The following OR10J1 variants were observed in gnomAD, a reference collection of about 807,000 sequenced individuals.
OR10J1 encodes the protein olfactory receptor family 10 subfamily J member 1.
For synonymous variants in OR10J1, 202 were observed against 143.8 expected, an observed-to-expected ratio of 1.40 and a Z score of -2.89; for missense variants, 474 against 376.6, an observed-to-expected ratio of 1.26 and a Z score of -2.14.
rs200773376 is a variant in OR10J1, at chr1:159,440,588, C to A, written c.797C>A (p.Thr266Asn). The A allele has an allele frequency of 2.5e-6, 4 of 1,613,956 alleles. No homozygotes were observed. In the African/African-American group the frequency reaches 5.3e-5, roughly 22 times the overall value. Residue 266 changes from threonine to asparagine, a missense_variant, in exon 1 of 1, where the codon ACC (threonine) becomes AAC (asparagine). By Grantham distance (65) the Thr-to-Asn change is moderately conservative (BLOSUM62 0). Coordinates refer to ENST00000423932, the MANE Select transcript of OR10J1 (RefSeq NM_012351.3). The part of the protein sequence containing the change: ...IAYLKPKSEN[T>N]REHDQLISVT... ...TACCTCAAGCCCAAGTCAGAGAACA[C>A]CAGAGAACATGACCAGCTGATCTCG...
chr1:159,417,150 A>G, the OR10J1 span, among the ~76,000 whole-genome samples: 1 of 152,058 alleles, frequency 6.6e-6, no homozygotes, highest in Non-Finnish European at 1.5e-5. Context: ...ATTGAAGTAA[A>G]TCATTAGATT....
chr1:159,415,805 GTTTAA>G, the OR10J1 span, among the ~76,000 whole-genome samples: 2 of 151,840 alleles, frequency 1.3e-5, no homozygotes, highest in South Asian at 2.1e-4. Context: ...ATAATTAATT[GTTTAA>G]TTTATGAACG....
the OR10J1 span, among the ~76,000 whole-genome samples, chr1:159,404,070 T>G: frequency 6.6e-6 from 1 of 151,872 alleles, no homozygotes; most frequent in Non-Finnish European, 1.5e-5. Context: ...ATCAAAACAA[T>G]TGAACTCATG....
At chr1:159,415,274 ATTC>A in the OR10J1 span, among the ~76,000 whole-genome samples, 1 of 151,988 alleles carries the variant, frequency 6.6e-6, no homozygotes, top group African/African-American at 2.4e-5. Flanking sequence ...GCCCACTTTT[ATTC>A]TTCTGCATAT....
the OR10J1 span, among the ~76,000 whole-genome samples, chr1:159,409,322 T>C: frequency 6.6e-6 from 1 of 152,232 alleles, no homozygotes; most frequent in Middle Eastern, 3.4e-3. Context: ...TCTTTTCTTT[T>C]GACTGCTCAC....
the OR10J1 span, among the ~76,000 whole-genome samples, chr1:159,417,964 A>C: frequency 2.0e-5 from 3 of 152,216 alleles, no homozygotes; most frequent in Non-Finnish European, 2.9e-5. Context: ...AGAGACTTGC[A>C]TCATTATGCC....
At chr1:159,410,655 G>A in the OR10J1 span, among the ~76,000 whole-genome samples, 189 of 150,656 alleles carry the variant, frequency 1.3e-3, 5 homozygotes, top group East Asian at 0.034. Flanking sequence ...ACCAGCTCCT[G>A]GATTCATTAA....
chr1:159,407,757 A>G, the OR10J1 span, among the ~76,000 whole-genome samples: 1 of 152,122 alleles, frequency 6.6e-6, no homozygotes, highest in Non-Finnish European at 1.5e-5. Context: ...AGCATTACTT[A>G]ATTTATTTAT....
chr1:159,414,599 A>T, the OR10J1 span, among the ~76,000 whole-genome samples: 1 of 152,132 alleles, frequency 6.6e-6, no homozygotes, highest in African/African-American at 2.4e-5. Context: ...TCTTTTGAAC[A>T]TATACCCAAC....
At chr1:159,401,832 T>C in the OR10J1 span, among the ~76,000 whole-genome samples, 356 of 152,168 alleles carry the variant, frequency 2.3e-3, no homozygotes, top group African/African-American at 8.2e-3. Context: ...TGAATATTGA[T>C]GCATAAATCC....
At chr1:159,402,323 C>G in the OR10J1 span, among the ~76,000 whole-genome samples, 1 of 152,008 alleles carries the variant, frequency 6.6e-6, no homozygotes, top group Non-Finnish European at 1.5e-5. Flanking sequence ...CAAAGTATCC[C>G]TCTTTGCAGA....
chr1:159,399,447 T>G, the OR10J1 span, among the ~76,000 whole-genome samples: 1 of 151,598 alleles, frequency 6.6e-6, no homozygotes, highest in Admixed American at 6.6e-5. Context: ...GGTGGGCACC[T>G]GTAGTCCCAG....
At position 159,439,876 on chromosome 1, in the gene OR10J1, G is replaced by A. The variant is rs774662374; in HGVS notation, c.85G>A (p.Gly29Ser). 11 of 1,613,962 alleles carry A rather than the reference G, an allele frequency of 6.8e-6. No individual in the cohort carries two copies. The African/African-American group carries it at 1.3e-4, about 20-fold the overall frequency. The change falls in exon 1 of 1, where the codon GGC (glycine) becomes AGC (serine). Residue 29 changes from glycine (G) to serine (S), a missense_variant. Physicochemically the swap from Gly to Ser is moderately conservative, Grantham distance 56. Transcript: ENST00000423932. The stretch of plus-strand genomic sequence containing the variant: ...CCATGAGCAGCAGATCACCCTTTTT[G>A]GCGTGTTCCTTGCACTATACATCTT... Reference protein sequence around the residue: ...SFHEQQITLFGVFLALYILTL... With the variant: ...SFHEQQITLFSVFLALYILTL...
upstream of OR10J1, chr1:159,439,695 C>G: frequency 3.4e-6 from 5 of 1,456,744 alleles, no homozygotes; most frequent in Middle Eastern, 1.8e-4. Context: ...TAACTGAGAA[C>G]TATTGAACTT....
At chr1:159,404,579 G>T in the OR10J1 span, among the ~76,000 whole-genome samples, 1 of 152,104 alleles carries the variant, frequency 6.6e-6, no homozygotes, top group Admixed American at 6.6e-5. Flanking sequence ...TAGAGAAGAT[G>T]CTTTTTTCCC....
At chr1:159,434,971 C>T (rs989494785), upstream of OR10J1, among the ~76,000 whole-genome samples, 1 of 152,120 alleles carries the variant, frequency 6.6e-6, no homozygotes, top group African/African-American at 2.4e-5. Context: ...CCTAGGAGGT[C>T]TTGACTTTGT....
At chr1:159,402,542 T>G in the OR10J1 span, among the ~76,000 whole-genome samples, 1 of 151,958 alleles carries the variant, frequency 6.6e-6, no homozygotes, top group African/African-American at 2.4e-5. Flanking sequence ...TATCTAGGAA[T>G]GAACTTAACC....
upstream of OR10J1, chr1:159,433,219 C>T: frequency 2.5e-6 from 1 of 397,236 alleles, no homozygotes. Flanking sequence ...ATGAGAGATA[C>T]TGTGAAAGCA....
At chr1:159,438,358 C>T (rs1655799804), upstream of OR10J1, among the ~76,000 whole-genome samples, 1 of 152,198 alleles carries the variant, frequency 6.6e-6, no homozygotes, top group Non-Finnish European at 1.5e-5. Flanking sequence ...AGAATCACCA[C>T]AAGTTTTGCA....
Sources: allele counts gnomAD v4.1 joint callset (sites outside exome capture counted in the v4.1 genomes callset), GRCh38; gene constraint gnomAD v4.1.1; transcripts MANE v1.5; gene names NCBI Gene and HGNC (gene_info 2026-07-23, HGNC 2026-07-21).